Variants in PKIB observed in about 807,000 individuals in gnomAD.
PKIB encodes cAMP-dependent protein kinase inhibitor beta, also known as PKI-beta.
PKIB carries 2 observed loss-of-function variants against 4.5 expected under a neutral mutation model. The ratio of observed to expected loss-of-function variants is 0.44; its 90% CI spans 0.18 to 1.39. The LOEUF (loss-of-function observed/expected upper bound fraction) is 1.39, where lower values mean the gene tolerates loss of function less well. Among genes scored for constraint, PKIB ranks in the 40% most tolerant of loss-of-function variants. The probability of loss-of-function intolerance (pLI) is 0.27; values close to 1 mark genes in which losing one functional copy is unlikely to be tolerated. For missense variants in PKIB, 94 were observed against 92.6 expected (o/e 1.02, Z -0.06); for synonymous variants, 38 against 36.0 (o/e 1.06, Z -0.20).
chr6:122,557,877 A>G (rs995862395), intron 2 of PKIB, among the ~76,000 whole-genome samples: 1 of 152,080 alleles, frequency 6.6e-6, no homozygotes, highest in South Asian at 2.1e-4. Context: ...TCCTCCCTCA[A>G]TTGGGTAAGG....
intron 3 of PKIB, among the ~76,000 whole-genome samples, chr6:122,600,713 C>T (rs1774336268): frequency 6.6e-6 from 1 of 151,872 alleles, no homozygotes; most frequent in Admixed American, 6.6e-5. Context: ...TTAAGGAATA[C>T]TAATAGAAAA....
chr6:122,716,984 G>A (rs185940636), intron 3 of PKIB, among the ~76,000 whole-genome samples: 19 of 152,256 alleles, frequency 1.2e-4, no homozygotes, highest in African/African-American at 4.6e-4. Context: ...TTCTGCTTTC[G>A]AGATGCTATT....
chr6:122,529,764 C>T lies in PKIB; in HGVS notation c.-248+51825C>T, dbSNP rs138606687. 1.8e-4 allele frequency among the ~76,000 whole-genome samples: 28 copies of T among 152,220 alleles called. No homozygotes were observed. In the East Asian group the frequency reaches 5.2e-3, roughly 28 times the overall value. On this transcript the variant is annotated intron_variant, in intron 2 of 6. Transcript: ENST00000392491. ...CACTTTGAATGAATTATTCTACTTCCTTCTAGCCTGCAAAGTTTCTGCTGA... is the reference window on the plus strand; with the variant it reads ...CACTTTGAATGAATTATTCTACTTCTTTCTAGCCTGCAAAGTTTCTGCTGA...
chr6:122,705,308 A>G (rs1459770087), intron 3 of PKIB, among the ~76,000 whole-genome samples: 1 of 152,066 alleles, frequency 6.6e-6, no homozygotes, highest in Non-Finnish European at 1.5e-5. Flanking sequence ...TAGAGTGTCT[A>G]TTTTATTTTG....
chr6:122,672,749 A>G (rs1383633840), intron 2 of PKIB, among the ~76,000 whole-genome samples: 1 of 151,670 alleles, frequency 6.6e-6, no homozygotes, highest in Non-Finnish European at 1.5e-5. Flanking sequence ...CAAATAAGTT[A>G]TATTAGACTA....
chr6:122,523,662 A>G (rs1777013875), intron 2 of PKIB, among the ~76,000 whole-genome samples: 2 of 152,074 alleles, frequency 1.3e-5, no homozygotes, highest in Admixed American at 1.3e-4. Flanking sequence ...GGGTGCCTGT[A>G]ACTCTAGCTA....
rs532515719 is a variant in PKIB, at chr6:122,682,278, G to A, written c.-9+7134G>A. Among the ~76,000 whole-genome samples, 3 of 152,184 alleles carry A rather than the reference G, an allele frequency of 2.0e-5. No homozygotes were observed. In the South Asian group the frequency reaches 6.2e-4, roughly 32 times the overall value. ...AGTTTTGTCAGGCGGCTGGCCAGTA[G>A]GGCCATGATTTATGATACAATTGAA... On this transcript the variant is annotated intron_variant, in intron 3 of 4. Transcript: ENST00000368452.
At chr6:122,563,091 G>T (rs1044217137) in intron 2 of PKIB, among the ~76,000 whole-genome samples, 1 of 151,778 alleles carries the variant, frequency 6.6e-6, no homozygotes, top group Non-Finnish European at 1.5e-5. Context: ...ATTTAGGTAG[G>T]CTCTGTCACA....
Position 122,597,432 on chromosome 6 carries a change from C to T in PKIB, c.-161+11425C>T, listed in dbSNP as rs189431435. Among the ~76,000 whole-genome samples the T allele has an allele frequency of 1.6e-3, 250 of 152,262 alleles. 3 individuals are homozygous for T. The highest frequency in any genetic ancestry group is 5.6e-3 in the African/African-American group (231 of 41,538). On this transcript the variant is annotated intron_variant, in intron 3 of 6. Coordinates refer to the PKIB transcript ENST00000392491. ...AAGTCAATGGCTGCATACAAGGTAC[C>T]AGGAGATGTGTTAATCTGCTTAACT...
intron 2 of PKIB, among the ~76,000 whole-genome samples, chr6:122,535,193 TG>T (rs1256186480): frequency 6.6e-6 from 1 of 152,180 alleles, no homozygotes; most frequent in East Asian, 1.9e-4. Flanking sequence ...AATTAATTTG[TG>T]TTTATCTTCA....
At chr6:122,523,468 A>AT (rs1452264143) in intron 2 of PKIB, among the ~76,000 whole-genome samples, 17 of 151,864 alleles carry the variant, frequency 1.1e-4, no homozygotes, top group South Asian at 2.1e-4. Context: ...CAGAGGTGGG[A>AT]TTTTTTTTGT....
chr6:122,490,512 G>A (rs1278642825), intron 2 of PKIB, among the ~76,000 whole-genome samples: 3 of 152,090 alleles, frequency 2.0e-5, no homozygotes, highest in Admixed American at 2.0e-4. Context: ...CTCATGAGTG[G>A]TTTAGCACCA....
intron 2 of PKIB, among the ~76,000 whole-genome samples, chr6:122,563,305 G>T (rs988453339): frequency 2.6e-5 from 4 of 152,146 alleles, no homozygotes; most frequent in Admixed American, 2.0e-4. Flanking sequence ...ACATAGTCCT[G>T]TGATGTGAAC....
intron 2 of PKIB, among the ~76,000 whole-genome samples, chr6:122,576,120 G>A (rs1170070988): frequency 1.3e-5 from 2 of 152,246 alleles, no homozygotes; most frequent in African/African-American, 2.4e-5. Flanking sequence ...AACATTTTGA[G>A]ATTATGGAAA....
At chr6:122,619,482 A>T (rs1195284911) in intron 1 of PKIB, among the ~76,000 whole-genome samples, 1 of 151,698 alleles carries the variant, frequency 6.6e-6, no homozygotes, top group Non-Finnish European at 1.5e-5. Flanking sequence ...TTTGAATAGC[A>T]TCCTGTGCCT....
chr6:122,532,758 C>T (rs1480835954), intron 2 of PKIB, among the ~76,000 whole-genome samples: 2 of 152,148 alleles, frequency 1.3e-5, no homozygotes, highest in African/African-American at 4.8e-5. Context: ...TGTTTATCCA[C>T]CCATCCTTTG....
chr6:122,698,527 T>C (rs9320890), intron 3 of PKIB, among the ~76,000 whole-genome samples: 150,485 of 152,216 alleles, frequency 0.99, 74,407 homozygotes, highest in Middle Eastern at 1. Flanking sequence ...GCCACTGTAA[T>C]GGTGTATAGT....
intron 2 of PKIB, among the ~76,000 whole-genome samples, chr6:122,487,400 T>G (rs143634192): frequency 1.6e-3 from 251 of 152,308 alleles, no homozygotes; most frequent in African/African-American, 5.8e-3. Context: ...AATATTCATG[T>G]TTGTGTTCAC....
chr6:122,661,238 C>T (rs542808644), intron 2 of PKIB, among the ~76,000 whole-genome samples: 37 of 152,204 alleles, frequency 2.4e-4, no homozygotes, highest in Non-Finnish European at 3.8e-4. Flanking sequence ...ATAAAAGCCA[C>T]CCATTTAAAT....
Sources: allele counts gnomAD v4.1 joint callset (sites outside exome capture counted in the v4.1 genomes callset), GRCh38; gene constraint gnomAD v4.1.1; transcripts MANE v1.5; gene names NCBI Gene and HGNC (gene_info 2026-07-23, HGNC 2026-07-21).